The following DOCK1 variants were observed in gnomAD, a reference collection of about 807,000 sequenced individuals.
DOCK1 encodes the protein dedicator of cytokinesis 1, also known as dedicator of cytokinesis protein 1.
In DOCK1, 138 loss-of-function variants were observed where a neutral mutation model predicts 262.7. The ratio of observed to expected loss-of-function variants is 0.53; its 90% CI spans 0.46 to 0.61. DOCK1 has a LOEUF of 0.61. Among genes scored for constraint, DOCK1 ranks in the 20% least tolerant of loss-of-function variants. The probability of loss-of-function intolerance (pLI) is 0.00; values close to 1 mark genes in which losing one functional copy is unlikely to be tolerated. For missense variants in DOCK1, 1,908 were observed against 2,370.7 expected, an observed-to-expected ratio of 0.80 and a Z score of 4.05; for synonymous variants, 866 against 867.4, an observed-to-expected ratio of 1.00 and a Z score of 0.03.
intron 27 of DOCK1, among the ~76,000 whole-genome samples, chr10:127,180,815 T>G (rs1023562351): frequency 2.6e-5 from 4 of 152,088 alleles, no homozygotes; most frequent in Admixed American, 2.6e-4. Context: ...AAACACGAAA[T>G]AATGTTAAGT....
intron 1 of DOCK1, among the ~76,000 whole-genome samples, chr10:126,929,903 C>T (rs2034057077): frequency 2.0e-5 from 3 of 152,212 alleles, no homozygotes; most frequent in Middle Eastern, 3.2e-3. Context: ...ACCGCCACTG[C>T]GTAGTCCAAG....
chr10:127,450,888 A>G (rs113644517), intron 51 of DOCK1, among the ~76,000 whole-genome samples: 1 of 152,216 alleles, frequency 6.6e-6, no homozygotes, highest in Non-Finnish European at 1.5e-5. Context: ...GTGGCCTGCC[A>G]AAAAGCTGGA....
chr10:127,241,481 CCT>C (rs1377742140), intron 27 of DOCK1, among the ~76,000 whole-genome samples: 4 of 151,978 alleles, frequency 2.6e-5, no homozygotes, highest in Non-Finnish European at 5.9e-5. Flanking sequence ...TTGCTCAGAC[CCT>C]CTGTCTCCAA....
chr10:127,099,405 T>C (rs1357996242), intron 23 of DOCK1, among the ~76,000 whole-genome samples: 1 of 152,126 alleles, frequency 6.6e-6, no homozygotes, highest in Admixed American at 6.5e-5. Flanking sequence ...TTCATCTCTT[T>C]TGCGTTGCTA....
At chr10:127,407,933 G>T (rs894564072) in intron 40 of DOCK1, among the ~76,000 whole-genome samples, 9 of 152,070 alleles carry the variant, frequency 5.9e-5, no homozygotes, top group Non-Finnish European at 7.4e-5. Context: ...GCCCCAGATG[G>T]GACAGGATGG....
intron 29 of DOCK1, among the ~76,000 whole-genome samples, chr10:127,264,818 GC>G (rs1200583680): frequency 6.6e-6 from 1 of 152,120 alleles, no homozygotes; most frequent in Non-Finnish European, 1.5e-5. Flanking sequence ...ATACCACCGT[GC>G]CCAGCTAATT....
intron 1 of DOCK1, among the ~76,000 whole-genome samples, chr10:126,922,846 C>T (rs1371767388): frequency 1.3e-5 from 2 of 152,200 alleles, no homozygotes; most frequent in African/African-American, 2.4e-5. Context: ...TACGGTGGCT[C>T]ACGCCTATAA....
At chr10:127,020,364 C>T (rs1436764758) in intron 13 of DOCK1, among the ~76,000 whole-genome samples, 9 of 151,986 alleles carry the variant, frequency 5.9e-5, no homozygotes, top group Admixed American at 5.9e-4. Context: ...CAGTTCATGC[C>T]AATAGTGTTT....
Position 126,970,780 on chromosome 10 carries a change from A to G in DOCK1, c.125A>G (p.Tyr42Cys). The change falls in exon 2 of 52, where the codon TAT becomes TGT. Residue 42 changes from tyrosine (Y) to cysteine (C), a missense_variant. Transcript: ENST00000623213. Reference protein sequence around the residue: ...IGDTVHILETYEGWYRGYTLR... With the variant: ...IGDTVHILETCEGWYRGYTLR... The stretch of plus-strand genomic sequence containing the variant: ...GACACTGTGCACATCTTAGAAACAT[A>G]TGAAGGTGCGTATGCATCTTGGTAT... 1 of 1,612,496 alleles carries G rather than the reference A, an allele frequency of 6.2e-7. No homozygotes were observed. The highest frequency in any genetic ancestry group is 2.2e-5 in the East Asian group (1 of 44,862).
chr10:127,334,678 A>T (rs1201322337), intron 29 of DOCK1, among the ~76,000 whole-genome samples: 1 of 152,210 alleles, frequency 6.6e-6, no homozygotes, highest in Admixed American at 6.5e-5. Flanking sequence ...GTTTGGTTTT[A>T]TCTCCTGAAT....
chr10:127,024,066 G>C (rs1333564571), intron 14 of DOCK1, among the ~76,000 whole-genome samples: 1 of 152,188 alleles, frequency 6.6e-6, no homozygotes, highest in African/African-American at 2.4e-5. Context: ...TGCCTCCTCT[G>C]ATGACCAGAG....
chr10:127,031,525 C>T, intron 16 of DOCK1, 125 bp from the exon 17 acceptor site: 1 of 683,504 alleles, frequency 1.5e-6, no homozygotes, highest in Non-Finnish European at 2.4e-6. Flanking sequence ...ATTAGATTAG[C>T]TTTAATACCT....
chr10:127,184,905 T>G (rs563749287), intron 27 of DOCK1, among the ~76,000 whole-genome samples: 1 of 152,308 alleles, frequency 6.6e-6, no homozygotes, highest in Admixed American at 6.5e-5. Flanking sequence ...TGGGGTGACC[T>G]AGGCACCATA....
chr10:127,232,176 A>T (rs1272360848), intron 27 of DOCK1, among the ~76,000 whole-genome samples: 1 of 152,042 alleles, frequency 6.6e-6, no homozygotes, highest in Non-Finnish European at 1.5e-5. Flanking sequence ...GGTCATATGT[A>T]TTGGAAGAGC....
intron 18 of DOCK1, among the ~76,000 whole-genome samples, chr10:127,033,226 C>T (rs2043362998): frequency 6.7e-6 from 1 of 149,230 alleles, no homozygotes; most frequent in African/African-American, 2.4e-5. Context: ...ACTTTCTAGC[C>T]CTACTCGTGC....
intron 27 of DOCK1, among the ~76,000 whole-genome samples, chr10:127,243,779 G>A (rs923968138): frequency 6.6e-6 from 1 of 152,060 alleles, no homozygotes; most frequent in Non-Finnish European, 1.5e-5. Flanking sequence ...CTAGATCAGG[G>A]GCAGGCAGGG....
intron 32 of DOCK1, among the ~76,000 whole-genome samples, chr10:127,358,067 G>A (rs1187771129): frequency 6.6e-6 from 1 of 151,928 alleles, no homozygotes; most frequent in Non-Finnish European, 1.5e-5. Flanking sequence ...CAGGATGATA[G>A]CACCGACTCT....
chr10:127,341,033 A>G (rs1261495235), intron 30 of DOCK1, among the ~76,000 whole-genome samples: 5 of 152,134 alleles, frequency 3.3e-5, no homozygotes, highest in African/African-American at 1.2e-4. Context: ...TTAATATTAT[A>G]TACTTCTAAA....
At chr10:127,157,320 A>C (rs1032464889) in intron 27 of DOCK1, among the ~76,000 whole-genome samples, 1 of 152,218 alleles carries the variant, frequency 6.6e-6, no homozygotes, top group South Asian at 2.1e-4. Context: ...TTTGCAAGTC[A>C]GAAAAAAAGG....
Sources: gnomAD v4.1 joint callset for allele counts (sites outside exome capture counted in the v4.1 genomes callset) on GRCh38, gnomAD v4.1.1 for gene constraint, MANE v1.5 for transcripts, NCBI Gene and HGNC (gene_info 2026-07-23, HGNC 2026-07-21) for gene names.